The following ERAP2 variants were observed in gnomAD, a reference collection of about 807,000 sequenced individuals.
ERAP2 encodes the protein leukocyte-derived arginine aminopeptidase.
In ERAP2, 118 loss-of-function variants were observed where a neutral mutation model predicts 111.1. The ratio of observed to expected loss-of-function variants is 1.06; its 90% CI spans 0.92 to 1.24. ERAP2 has a LOEUF of 1.24. ERAP2 is among the 50% of genes most tolerant of loss of function. The pLI is 0.00. For missense variants in ERAP2, 1,131 were observed against 1,125.8 expected, an observed-to-expected ratio of 1.00 and a Z score of -0.07; for synonymous variants, 410 against 401.2, an observed-to-expected ratio of 1.02 and a Z score of -0.26.
At chr5:96,908,734 T>A (rs991365259) in intron 13 of ERAP2, among the ~76,000 whole-genome samples, 3 of 152,196 alleles carry the variant, frequency 2.0e-5, no homozygotes, top group Non-Finnish European at 2.9e-5. Context: ...ATGAGGAAGA[T>A]AGTATTATTA....
intron 15 of ERAP2, among the ~76,000 whole-genome samples, chr5:96,912,183 C>A (rs1786859099): frequency 7.7e-6 from 1 of 129,662 alleles, no homozygotes; most frequent in Non-Finnish European, 1.6e-5. Context: ...AGTGAGACTC[C>A]ACCTCAAAAA....
Position 96,901,576 on chromosome 5 carries a change from C to T in ERAP2, c.1643C>T (p.Pro548Leu), listed in dbSNP as rs936525764. ...ACATGGACTCTCCAGAAAGGAATCC[C>T]CCTGCTGGTGGTTAAACAAGACGGG... is the stretch of plus-strand genomic sequence containing the variant. The part of the protein sequence containing the change: ...MTTWTLQKGI[P>L]LLVVKQDGCS... Residue 548 changes from proline (P) to leucine (L), a missense_variant, in exon 11 of 19, where the codon CCC becomes CTC. Around this residue, in one of 3 missense-constraint regions of ERAP2, gnomAD observed 847 missense variants for 856.5 expected, o/e 0.99. Transcript: ENST00000437043. The T allele has an allele frequency of 7.0e-5, 113 of 1,613,962 alleles. 1 individual carries two copies. The highest frequency in any genetic ancestry group is 1.0e-4 in the Admixed American group (6 of 59,980).
At position 96,895,261 on chromosome 5, in the gene ERAP2, G is replaced by T; in HGVS notation, c.1141G>T (p.Val381Phe). The T allele has an allele frequency of 6.2e-7, 1 of 1,609,912 alleles. No homozygotes were observed. Among genetic ancestry groups the T allele is most frequent in the South Asian group, 1.1e-5 (1 of 90,166 alleles). The change falls in exon 7 of 19, where the codon GTC becomes TTC. Residue 381 changes from valine (V) to phenylalanine (F), a missense_variant. Around this residue, in one of 3 missense-constraint regions of ERAP2, gnomAD observed 847 missense variants for 856.5 expected, o/e 0.99. Transcript: ENST00000437043. ...TACCTCCTAGTGGTTTGGCAACCTG[G>T]TCACAATGGAATGGTGGAATGATAT... ...ELAHQWFGNL[V>F]TMEWWNDIWL...
At chr5:96,893,958 A>G (rs1561375414) in intron 6 of ERAP2, among the ~76,000 whole-genome samples, 1 of 152,198 alleles carries the variant, frequency 6.6e-6, no homozygotes, top group African/African-American at 2.4e-5. Flanking sequence ...ATACCTGAGT[A>G]CTATTTACAA....
intron 6 of ERAP2, 67 bp downstream of exon 6, chr5:96,892,520 C>A: frequency 1.9e-6 from 3 of 1,562,712 alleles, no homozygotes; most frequent in African/African-American, 2.7e-5. Context: ...CACGACCAAT[C>A]TTCCTGAAAC....
rs79510067 is a variant in ERAP2 at position 96,888,902 on chromosome 5, T to C, written c.850-283T>C. ...AACTCAAGTGGGTTCCTCTCTATGA[T>C]ATACTTGGATTATGATACAATGGGT... On this transcript the variant is annotated intron_variant, in intron 4 of 18. Transcript: ENST00000437043. Among the ~76,000 whole-genome samples the C allele has an allele frequency of 8.5e-5, 13 of 152,340 alleles. 1 individual carries two copies. In the East Asian group the frequency reaches 2.5e-3, roughly 29 times the overall value.
intron 2 of ERAP2, among the ~76,000 whole-genome samples, chr5:96,883,522 G>A (rs1194277333): frequency 6.6e-6 from 1 of 152,184 alleles, no homozygotes; most frequent in Non-Finnish European, 1.5e-5. Context: ...CATTCAAGTT[G>A]TCTGAGCCTC....
At position 96,879,824 on chromosome 5, in the gene ERAP2, A is replaced by G; in HGVS notation, c.139A>G (p.Thr47Ala). Reference protein sequence around the residue: ...QFSVPSSYHFTEDPGAFPVAT... With the variant: ...QFSVPSSYHFAEDPGAFPVAT... ...CTCAGTGCCATCTAGTTATCACTTC[A>G]CTGAGGATCCTGGGGCTTTCCCAGT... The change falls in exon 2 of 19, where the codon ACT (threonine) becomes GCT (alanine). Residue 47 changes from threonine to alanine, a missense_variant. By Grantham distance (58) the Thr-to-Ala change is moderately conservative. Around this residue, in one of 3 missense-constraint regions of ERAP2, gnomAD observed 847 missense variants for 856.5 expected, o/e 0.99. Transcript: ENST00000437043. 1 of 1,614,176 alleles carries G rather than the reference A, an allele frequency of 6.2e-7. No individual in the cohort carries two copies. Among genetic ancestry groups the G allele is most frequent in the Non-Finnish European group, 8.5e-7 (1 of 1,180,036 alleles).
chr5:96,897,420 G>A (rs937516553), intron 9 of ERAP2, among the ~76,000 whole-genome samples: 3 of 152,056 alleles, frequency 2.0e-5, no homozygotes, highest in Admixed American at 6.6e-5. Context: ...GCCCTCATTC[G>A]TTTGCCTGTC....
At position 96,909,106 on chromosome 5, in the gene ERAP2, GA is replaced by G. The variant is rs1359835549; in HGVS notation, c.2162del (p.Asn721ThrfsTer13). 6.2e-7 allele frequency: 1 copy of G among 1,613,914 alleles called. No individual in the cohort carries two copies. The highest frequency in any genetic ancestry group is 8.5e-7 in the Non-Finnish European group (1 of 1,179,950). On this transcript the variant is annotated frameshift_variant, in exon 14 of 19. Coordinates refer to ENST00000437043, the MANE Select transcript of ERAP2 (RefSeq NM_022350.5). LOFTEE classifies it high-confidence loss of function. ...CAGAAGGAATATTTCAGATATCTCT[GA>G]AAACCTCAAGGTTTGTGTTGCTTTT... ...MDRRNISDIS[E>X]NLKRYLLQYF...
At position 96,917,535 on chromosome 5, in the gene ERAP2, T is replaced by A. The variant is rs1787553771; in HGVS notation, c.2813T>A (p.Ile938Lys). ...ATTTTTCAAACTGTTCTGGAAACGA[T>A]AACCAAAAATATAAAATGGCTGGAG... ...LDIFQTVLET[I>K]TKNIKWLEKN... The change falls in exon 19 of 19, where the codon ATA becomes AAA. Residue 938 changes from isoleucine (I) to lysine (K), a missense_variant. Ile to Lys is a moderately radical substitution (Grantham distance 102). Around this residue, in one of 3 missense-constraint regions of ERAP2, gnomAD observed 279 missense variants for 250.9 expected, o/e 1.11. Coordinates refer to ENST00000437043, the MANE Select transcript of ERAP2 (RefSeq NM_022350.5). The A allele has an allele frequency of 3.7e-6, 6 of 1,613,748 alleles. No homozygotes were observed. Among genetic ancestry groups the A allele is most frequent in the Non-Finnish European group, 5.1e-6 (6 of 1,179,852 alleles).
intron 15 of ERAP2, 147 bp downstream of exon 15, chr5:96,909,911 A>G (rs1315809293): frequency 3.7e-5 from 27 of 720,694 alleles, no homozygotes; most frequent in Non-Finnish European, 5.4e-5. Context: ...ATGCTCTCAC[A>G]TTGTAAGTGC....
intron 13 of ERAP2, among the ~76,000 whole-genome samples, chr5:96,908,249 T>C (rs142834036): frequency 6.6e-6 from 1 of 152,308 alleles, no homozygotes; most frequent in East Asian, 1.9e-4. Context: ...GTGTGCAACA[T>C]AGCCTCCCAG....
intron 3 of ERAP2, 25 bp from the exon 4 acceptor site, chr5:96,886,630 T>C: frequency 6.8e-7 from 1 of 1,475,520 alleles, no homozygotes; most frequent in Non-Finnish European, 9.2e-7. Context: ...TTTCAAGTAC[T>C]GATTATTCCT....
intron 12 of ERAP2, 56 bp downstream of exon 12, chr5:96,902,409 A>G: frequency 9.3e-7 from 1 of 1,071,530 alleles, no homozygotes; most frequent in Non-Finnish European, 1.4e-6. Flanking sequence ...ACATGTGTTG[A>G]GCTATTTGAA....
chr5:96,883,662 C>T (rs928763682), intron 2 of ERAP2, 130 bp from the exon 3 acceptor site: 205 of 891,548 alleles, frequency 2.3e-4, no homozygotes, highest in Non-Finnish European at 3.0e-4. Flanking sequence ...AGTTGAGATT[C>T]ACAAAGATTG....
intron 7 of ERAP2, among the ~76,000 whole-genome samples, chr5:96,895,816 G>T (rs2549784): frequency 0.54 from 82,281 of 151,936 alleles, 22,339 homozygotes; most frequent in Admixed American, 0.59. Flanking sequence ...TTTTAAAAAC[G>T]AATATAGTGG....
At position 96,893,670 on chromosome 5, in the gene ERAP2, CTGAAG is replaced by C. The variant is rs1316938026; in HGVS notation, c.1125+1218_1125+1222del. 6.6e-5 allele frequency among the ~76,000 whole-genome samples: 10 copies of C among 152,328 alleles called. No individual in the cohort carries two copies. The South Asian group carries it at 2.1e-3, about 32-fold the overall frequency. ...TCTTCCACGGAGATGCAGTCAAGTG[CTGAAG>C]CAGCAAACAGCACTGGAATTTTTGC... On this transcript the variant is annotated intron_variant, in intron 6 of 18. Coordinates refer to ENST00000437043, the MANE Select transcript of ERAP2 (RefSeq NM_022350.5).
At chr5:96,890,134 A>G (rs1303835303) in intron 5 of ERAP2, among the ~76,000 whole-genome samples, 2 of 152,142 alleles carry the variant, frequency 1.3e-5, no homozygotes, top group African/African-American at 2.4e-5. Flanking sequence ...TTAATTTTCT[A>G]TCTTAAAAAA....
Sources: gnomAD v4.1 joint callset for allele counts (sites outside exome capture counted in the v4.1 genomes callset) on GRCh38, gnomAD v4.1.1 for gene constraint, gnomAD v4.1.1 regional missense constraint, MANE v1.5 for transcripts, NCBI Gene and HGNC (gene_info 2026-07-23, HGNC 2026-07-21) for gene names.